The following KIAA0825 variants were observed in gnomAD, a reference collection of about 807,000 sequenced individuals.
The protein encoded by KIAA0825 is uncharacterized protein KIAA0825.
A neutral mutation model predicts 147.6 loss-of-function variants in KIAA0825; 119 were observed. The observed-to-expected ratio is 0.81, with a 90% CI of 0.69 to 0.94. The LOEUF (loss-of-function observed/expected upper bound fraction) is 0.94. Ranked by LOEUF, KIAA0825 falls within the 40% of genes least tolerant of loss-of-function variation. The pLI, the probability that KIAA0825 is intolerant of heterozygous loss-of-function variation, is 0.00. For missense variants in KIAA0825, 1,381 were observed against 1,472.7 expected (o/e 0.94, Z 1.02); for synonymous variants, 470 against 518.1 (o/e 0.91, Z 1.26).
At chr5:94,410,760 G>A (rs534791104) in intron 15 of KIAA0825, among the ~76,000 whole-genome samples, 23 of 152,106 alleles carry the variant, frequency 1.5e-4, no homozygotes, top group South Asian at 6.2e-4. Flanking sequence ...CATATCTACC[G>A]AAAAATATTT....
chr5:94,498,744 C>A (rs1322388504), intron 5 of KIAA0825, among the ~76,000 whole-genome samples: 1 of 152,180 alleles, frequency 6.6e-6, no homozygotes, highest in African/African-American at 2.4e-5. Flanking sequence ...TCTCCACTAT[C>A]TCCAATAAGT....
chr5:94,418,472 C>G (rs1170215698), intron 14 of KIAA0825, among the ~76,000 whole-genome samples: 1 of 151,698 alleles, frequency 6.6e-6, no homozygotes, highest in African/African-American at 2.4e-5. Context: ...CAACCCTCCC[C>G]CACCCCTGCC....
intron 20 of KIAA0825, among the ~76,000 whole-genome samples, chr5:94,372,710 T>G (rs1584292009): frequency 6.6e-6 from 1 of 152,238 alleles, no homozygotes; most frequent in South Asian, 2.1e-4. Context: ...GTCTCTGACA[T>G]GCTCTGGAGA....
intron 20 of KIAA0825, among the ~76,000 whole-genome samples, chr5:94,362,723 G>A (rs1158632968): frequency 6.6e-6 from 1 of 150,972 alleles, no homozygotes; most frequent in Non-Finnish European, 1.5e-5. Context: ...GGCTGTGTCT[G>A]GCTGATTTCT....
In KIAA0825 at chr5:94,462,396, T is replaced by A. The variant is rs1037516639; in HGVS notation, c.2237A>T (p.Glu746Val). The A allele has an allele frequency of 7.1e-6, 10 of 1,406,606 alleles. No homozygotes were observed. The highest frequency in any genetic ancestry group is 1.5e-5 in the African/African-American group (1 of 68,690). The allele number at this position is 1,406,606 out of a possible 1,614,324, so 87.1% of individuals were successfully genotyped here. ...TLVILTSPLTELYKTFQHGLD... is the reference protein window; with the variant it reads ...TLVILTSPLTVLYKTFQHGLD... ...TACATTTGATACTTACTTATATAAT[T>A]CTGTTAATGGTGAAGTCAAAATGAC... Residue 746 changes from glutamate (E) to valine (V), a missense_variant, in exon 12 of 21, where the codon GAA becomes GTA. Physicochemically the swap from Glu to Val is moderately radical, Grantham distance 121. Transcript: ENST00000682413.
At position 94,520,603 on chromosome 5, in the gene KIAA0825, T is replaced by C; in HGVS notation, c.615A>G (p.Glu205=). 6.2e-7 allele frequency: 1 copy of C among 1,613,408 alleles called. No homozygotes were observed. Among genetic ancestry groups the C allele is most frequent in the Non-Finnish European group, 8.5e-7 (1 of 1,179,532 alleles). Residue 205 remains glutamate (E), a synonymous_variant, in exon 5 of 21, where the codon GAA becomes GAG. Coordinates refer to ENST00000682413, the MANE Select transcript of KIAA0825 (RefSeq NM_001145678.3). The part of the protein sequence containing the change: ...CLQQLLFLYP[E]SEVIIKYQNI... ...TTTGGTATTTGATTATAACTTCTGA[T>C]TCTGGATAAAGAAACAAGAGTTGTT...
At chr5:94,566,027 T>C (rs958132603) in intron 2 of KIAA0825, among the ~76,000 whole-genome samples, 6 of 152,212 alleles carry the variant, frequency 3.9e-5, no homozygotes, top group Admixed American at 6.5e-5. Context: ...ACATGCCATA[T>C]CTATCTTTCT....
rs532785284 is a variant in KIAA0825, at chr5:94,453,682, C to A, written c.2247-613G>T. Among the ~76,000 whole-genome samples, 8 of 152,126 alleles carry A rather than the reference C, an allele frequency of 5.3e-5. No homozygotes were observed. The South Asian group carries it at 1.5e-3, about 28-fold the overall frequency. ...ATCTTTACACTTGGGGAAGGTGTAA[C>A]AATACTATTATCATTTAATTTTTAA... On this transcript the variant is annotated intron_variant, in intron 12 of 20. Coordinates refer to ENST00000682413, the MANE Select transcript of KIAA0825 (RefSeq NM_001145678.3).
At position 94,344,008 on chromosome 5, in the gene KIAA0825, C is replaced by T. The variant is rs567656130; in HGVS notation, c.3710+40360G>A. Among the ~76,000 whole-genome samples the T allele has an allele frequency of 9.2e-5, 14 of 152,232 alleles. No individual in the cohort carries two copies. The South Asian group carries it at 2.5e-3, about 27-fold the overall frequency. ...CAGTGAGAACTCTACAAATTTCTGG[C>T]GGAAATGTAAACTAGTAAAACAACT... On this transcript the variant is annotated intron_variant, in intron 20 of 20. Transcript: ENST00000682413.
intron 20 of KIAA0825, among the ~76,000 whole-genome samples, chr5:94,283,950 A>G (rs1482838529): frequency 1.3e-5 from 2 of 152,144 alleles, no homozygotes; most frequent in African/African-American, 2.4e-5. Flanking sequence ...GAGGAATCCA[A>G]CCAGTTGTTC....
intron 12 of KIAA0825, among the ~76,000 whole-genome samples, chr5:94,461,135 T>A (rs759031810): frequency 1.3e-5 from 2 of 152,014 alleles, no homozygotes; most frequent in Non-Finnish European, 2.9e-5. Flanking sequence ...CAATAATGAA[T>A]GTATGTTACA....
chr5:94,576,472 TGA>T (rs1465391976), intron 2 of KIAA0825, among the ~76,000 whole-genome samples: 1 of 151,902 alleles, frequency 6.6e-6, no homozygotes, highest in Non-Finnish European at 1.5e-5. Flanking sequence ...AAGAAGAGAA[TGA>T]GAGATTTGAA....
intron 20 of KIAA0825, among the ~76,000 whole-genome samples, chr5:94,206,515 C>A (rs1320265349): frequency 6.6e-6 from 1 of 152,084 alleles, no homozygotes; most frequent in Non-Finnish European, 1.5e-5. Flanking sequence ...AAGCAGGATA[C>A]CTTGTACAGG....
chr5:94,496,531 G>C (rs1005110692), intron 5 of KIAA0825, among the ~76,000 whole-genome samples: 13 of 152,192 alleles, frequency 8.5e-5, no homozygotes, highest in African/African-American at 3.1e-4. Context: ...TGGGATGACG[G>C]AGATAAGAGT....
chr5:94,502,180 A>G (rs1765173714), intron 5 of KIAA0825, among the ~76,000 whole-genome samples: 1 of 152,150 alleles, frequency 6.6e-6, no homozygotes, highest in African/African-American at 2.4e-5. Context: ...TACACTTTAA[A>G]TATGTATGTA....
chr5:94,356,536 C>T (rs935776909), intron 20 of KIAA0825, among the ~76,000 whole-genome samples: 9 of 150,982 alleles, frequency 6.0e-5, no homozygotes, highest in Admixed American at 2.6e-4. Context: ...GGCGTGCACC[C>T]GGGAGGCGGA....
At chr5:94,549,949 A>C (rs1446527440) in intron 2 of KIAA0825, among the ~76,000 whole-genome samples, 1 of 152,156 alleles carries the variant, frequency 6.6e-6, no homozygotes, top group Non-Finnish European at 1.5e-5. Context: ...AACAAAGAAA[A>C]CAATAGAAAA....
At chr5:94,335,785 C>T (rs928402259) in intron 20 of KIAA0825, among the ~76,000 whole-genome samples, 2 of 152,020 alleles carry the variant, frequency 1.3e-5, no homozygotes, top group African/African-American at 4.8e-5. Flanking sequence ...GAATATCCAC[C>T]TCAGTTTTAG....
rs554824146 is a variant in KIAA0825, at chr5:94,559,824, G to A, written c.-2+22609C>T. ...TTCGAAGGTTCTTTAAACTCATGAT[G>A]GGGATCAAAATATTTTACCACAAAA... On this transcript the variant is annotated intron_variant, in intron 2 of 20. Coordinates refer to ENST00000682413, the MANE Select transcript of KIAA0825 (RefSeq NM_001145678.3). Among the ~76,000 whole-genome samples the A allele has an allele frequency of 2.0e-5, 3 of 152,252 alleles. No homozygotes were observed. The South Asian group carries it at 6.2e-4, about 32-fold the overall frequency.
Sources: gnomAD v4.1 joint callset for allele counts (sites outside exome capture counted in the v4.1 genomes callset) on GRCh38, gnomAD v4.1.1 for gene constraint, MANE v1.5 for transcripts, NCBI Gene and HGNC (gene_info 2026-07-23, HGNC 2026-07-21) for gene names.